Variants in PTPRT observed in about 807,000 individuals in gnomAD.
The protein encoded by PTPRT is protein tyrosine phosphatase receptor type T.
PTPRT carries 56 observed loss-of-function variants against 176.8 expected under a neutral mutation model. The ratio of observed to expected loss-of-function variants is 0.32; its 90% CI spans 0.26 to 0.40. The LOEUF is 0.40. Ranked by LOEUF, PTPRT falls within the 10% of genes least tolerant of loss-of-function variation. The probability of loss-of-function intolerance (pLI) is 1.00; values close to 1 mark genes in which losing one functional copy is unlikely to be tolerated. For synonymous variants in PTPRT, 783 were observed against 739.0 expected (o/e 1.06, Z -0.96); for missense variants, 1,540 against 1,908.2 (o/e 0.81, Z 3.60).
At chr20:42,142,059 G>A in intron 17 of PTPRT, 57 bp from the exon 18 acceptor site, 2 of 1,472,032 alleles carry the variant, frequency 1.4e-6, no homozygotes, top group South Asian at 1.1e-5. Flanking sequence ...TTATGGAAGT[G>A]GAGATGAACC....
At chr20:42,673,106 G>C (rs995943942) in intron 7 of PTPRT, among the ~76,000 whole-genome samples, 13 of 152,342 alleles carry the variant, frequency 8.5e-5, no homozygotes, top group African/African-American at 3.1e-4. Context: ...TGTGGGCAGA[G>C]GAGGTCCCCA....
intron 9 of PTPRT, among the ~76,000 whole-genome samples, chr20:42,434,108 T>C (rs2059239940): frequency 6.6e-6 from 1 of 152,104 alleles, no homozygotes. Context: ...GTCAAAGCTG[T>C]TGCAAATGCA....
intron 22 of PTPRT, among the ~76,000 whole-genome samples, 199 bp from the exon 23 acceptor site, chr20:42,110,686 C>T (rs1227756805): frequency 1.3e-5 from 2 of 152,168 alleles, no homozygotes; most frequent in African/African-American, 2.4e-5. Context: ...AAAACGAAAC[C>T]GATGGCTTTA....
rs377695029 is a variant in PTPRT at position 42,827,863 on chromosome 20, G to T, written c.215-36397C>A. Among the ~76,000 whole-genome samples, 13 of 152,200 alleles carry T rather than the reference G, an allele frequency of 8.5e-5. No homozygotes were observed. In the East Asian group the frequency reaches 1.2e-3, roughly 14 times the overall value. On this transcript the variant is annotated intron_variant, in intron 2 of 30. Transcript: ENST00000373187. ...CCGCCATTATTATAAGTTTCCTGAGGCATCCCCAGCCATGCTGAACGGTGA... is the reference window on the plus strand; with the variant it reads ...CCGCCATTATTATAAGTTTCCTGAGTCATCCCCAGCCATGCTGAACGGTGA...
intron 7 of PTPRT, among the ~76,000 whole-genome samples, chr20:42,614,639 G>C (rs1329002598): frequency 6.6e-6 from 1 of 152,100 alleles, no homozygotes; most frequent in Non-Finnish European, 1.5e-5. Flanking sequence ...CTTCACAGAA[G>C]CAAACAGAGG....
chr20:42,369,903 G>A (rs1281024859), intron 9 of PTPRT, among the ~76,000 whole-genome samples: 1 of 152,194 alleles, frequency 6.6e-6, no homozygotes, highest in Non-Finnish European at 1.5e-5. Context: ...TTTCCCTGAT[G>A]AGAACATCTC....
chr20:42,483,050 G>A (rs756926541), intron 7 of PTPRT, among the ~76,000 whole-genome samples: 1 of 152,164 alleles, frequency 6.6e-6, no homozygotes, highest in African/African-American at 2.4e-5. Flanking sequence ...ACAAGGGATC[G>A]ATTGGATAAA....
chr20:42,150,847 ACT>A (rs1470740430), intron 17 of PTPRT, among the ~76,000 whole-genome samples: 3 of 151,924 alleles, frequency 2.0e-5, no homozygotes, highest in African/African-American at 7.3e-5. Context: ...TGTTTAAACG[ACT>A]CTATTTATTA....
At chr20:43,113,088 A>G (rs1262468121) in intron 1 of PTPRT, among the ~76,000 whole-genome samples, 1 of 151,950 alleles carries the variant, frequency 6.6e-6, no homozygotes, top group Non-Finnish European at 1.5e-5. Flanking sequence ...TTTTGCATGT[A>G]ACTCATTCAT....
chr20:43,114,396 G>A (rs980429296), intron 1 of PTPRT, among the ~76,000 whole-genome samples: 1 of 152,024 alleles, frequency 6.6e-6, no homozygotes, highest in South Asian at 2.1e-4. Context: ...TTGTACCCCA[G>A]TTTTCTCATC....
Position 42,075,761 on chromosome 20 carries a change from C to T in PTPRT, c.*5118G>A, listed in dbSNP as rs1215183360. 4.9e-6 allele frequency: 1 copy of T among 203,594 alleles called. No homozygotes were observed. Among genetic ancestry groups the T allele is most frequent in the East Asian group, 7.5e-5 (1 of 13,304 alleles). 12.6% of individuals were successfully genotyped at this position (203,594 alleles called of 1,614,324 possible). ...CCACCAGCGACGAGGAAATGTAGAT[C>T]CTGGTGAGGACTTACAGCAAGAGCT... On this transcript the variant is annotated 3_prime_UTR_variant, in exon 31 of 31. Transcript: ENST00000373187.
At chr20:43,001,870 AC>A (rs1568727301) in intron 1 of PTPRT, among the ~76,000 whole-genome samples, 6 of 146,030 alleles carry the variant, frequency 4.1e-5, no homozygotes, top group African/African-American at 8.2e-5. Flanking sequence ...AAACAAACAA[AC>A]AAACAAACAA....
chr20:43,178,899 G>A (rs1400835155), intron 1 of PTPRT, among the ~76,000 whole-genome samples: 3 of 152,170 alleles, frequency 2.0e-5, no homozygotes, highest in Non-Finnish European at 2.9e-5. Flanking sequence ...TAGAGCACTC[G>A]TTCCCAGGGT....
intron 3 of PTPRT, among the ~76,000 whole-genome samples, chr20:42,786,188 A>C (rs2077287989): frequency 6.6e-6 from 1 of 152,192 alleles, no homozygotes; most frequent in South Asian, 2.1e-4. Flanking sequence ...TGAGTCAATT[A>C]AACCTCTTTT....
intron 19 of PTPRT, among the ~76,000 whole-genome samples, chr20:42,121,646 T>A (rs1987594608): frequency 6.6e-6 from 1 of 151,544 alleles, no homozygotes; most frequent in African/African-American, 2.4e-5. Flanking sequence ...AACAAAGATA[T>A]GAAATCAACC....
At chr20:42,531,596 G>T (rs1381277381) in intron 7 of PTPRT, among the ~76,000 whole-genome samples, 1 of 152,192 alleles carries the variant, frequency 6.6e-6, no homozygotes, top group East Asian at 1.9e-4. Context: ...TCATTTTGGG[G>T]TATAGCCAAC....
At chr20:42,928,174 C>T (rs1979608351) in intron 1 of PTPRT, among the ~76,000 whole-genome samples, 1 of 152,236 alleles carries the variant, frequency 6.6e-6, no homozygotes, top group Non-Finnish European at 1.5e-5. Context: ...TTGCACAAGG[C>T]TCTGGTTCCC....
At chr20:42,376,352 C>T (rs191867362) in intron 9 of PTPRT, among the ~76,000 whole-genome samples, 2 of 152,298 alleles carry the variant, frequency 1.3e-5, no homozygotes, top group African/African-American at 4.8e-5. Flanking sequence ...GAATACTCTC[C>T]CTGAGAGAAC....
At chr20:43,051,818 C>T (rs1987056449) in intron 1 of PTPRT, among the ~76,000 whole-genome samples, 2 of 151,882 alleles carry the variant, frequency 1.3e-5, no homozygotes, top group South Asian at 4.2e-4. Context: ...AACTATATAG[C>T]GAGGTAGATA....
Sources: allele counts gnomAD v4.1 joint callset (sites outside exome capture counted in the v4.1 genomes callset), GRCh38; gene constraint gnomAD v4.1.1; transcripts MANE v1.5; gene names NCBI Gene and HGNC (gene_info 2026-07-23, HGNC 2026-07-21).